SPOCK1: variants seen among roughly 807,000 people sequenced by gnomAD.
SPOCK1 encodes testican-1.
SPOCK1 carries 23 observed loss-of-function variants against 55.3 expected under a neutral mutation model. The observed-to-expected ratio is 0.42, with a 90% CI of 0.30 to 0.59. SPOCK1 has a LOEUF of 0.59. SPOCK1 is among the 20% of genes least tolerant of loss of function. SPOCK1 has a pLI of 0.22. For synonymous variants in SPOCK1, 226 were observed against 221.0 expected (o/e 1.02, Z -0.20); for missense variants, 499 against 552.5 (o/e 0.90, Z 0.97).
chr5:137,431,424 T>C (rs1752740685), intron 2 of SPOCK1, among the ~76,000 whole-genome samples: 1 of 152,230 alleles, frequency 6.6e-6, no homozygotes, highest in Admixed American at 6.5e-5. Context: ...ATACTATAAC[T>C]GCCTTTTTCA....
Position 136,978,791 on chromosome 5 carries a change from G to A in SPOCK1, c.1183C>T (p.Leu395=). 6.2e-7 allele frequency: 1 copy of A among 1,613,978 alleles called. No individual in the cohort carries two copies. The highest frequency in any genetic ancestry group is 2.2e-5 in the East Asian group (1 of 44,866). Residue 395 remains leucine, a synonymous_variant, in exon 11 of 11, where the codon CTG becomes TTG. Transcript: ENST00000394945. ...DFGSGGSVVL[L]DDLEYERELG... is the part of the protein sequence containing the mutation. ...TCCCGTTCATATTCTAGGTCATCCA[G>A]CAGGACCACGGACCCACCACTGCCA...
intron 2 of SPOCK1, among the ~76,000 whole-genome samples, chr5:137,403,850 A>T (rs373235919): frequency 1.3e-5 from 2 of 152,180 alleles, no homozygotes; most frequent in Admixed American, 6.5e-5. Flanking sequence ...CGGGGTGGGT[A>T]CTTTGGCTTT....
At chr5:137,039,070 G>T (rs1751939179) in intron 6 of SPOCK1, among the ~76,000 whole-genome samples, 1 of 152,060 alleles carries the variant, frequency 6.6e-6, no homozygotes, top group Non-Finnish European at 1.5e-5. Flanking sequence ...CTTATTATAA[G>T]CTGGATCCCA....
At chr5:136,980,444 T>C (rs532339434) in intron 9 of SPOCK1, among the ~76,000 whole-genome samples, 333 of 152,354 alleles carry the variant, frequency 2.2e-3, no homozygotes, top group East Asian at 4.6e-3. Flanking sequence ...TCTTGAATTG[T>C]AGCTCTCATA....
At chr5:137,495,944 G>C (rs1414755551) in intron 2 of SPOCK1, among the ~76,000 whole-genome samples, 2 of 152,258 alleles carry the variant, frequency 1.3e-5, no homozygotes, top group Admixed American at 1.3e-4. Flanking sequence ...AACATTTTTA[G>C]ATGTTTTAAT....
intron 2 of SPOCK1, among the ~76,000 whole-genome samples, chr5:137,397,034 G>T (rs1216057523): frequency 1.3e-5 from 2 of 152,222 alleles, no homozygotes; most frequent in African/African-American, 4.8e-5. Flanking sequence ...TGTTGAGCAA[G>T]TTGCCCAAGG....
At chr5:137,440,060 T>A (rs780584651) in intron 2 of SPOCK1, among the ~76,000 whole-genome samples, 37 of 151,702 alleles carry the variant, frequency 2.4e-4, no homozygotes, top group Admixed American at 2.1e-3. Flanking sequence ...GTAAAAAGCC[T>A]GGAGAAAAAA....
intron 3 of SPOCK1, among the ~76,000 whole-genome samples, chr5:137,265,393 T>C (rs1397843384): frequency 1.3e-5 from 2 of 152,188 alleles, no homozygotes; most frequent in Non-Finnish European, 2.9e-5. Flanking sequence ...AAAGAATCAG[T>C]TCACAGTGAC....
chr5:137,193,734 A>C (rs1755236194), intron 3 of SPOCK1, among the ~76,000 whole-genome samples: 1 of 152,198 alleles, frequency 6.6e-6, no homozygotes, highest in Non-Finnish European at 1.5e-5. Context: ...GCAGAGAAAA[A>C]TGAGAGGTCT....
intron 2 of SPOCK1, among the ~76,000 whole-genome samples, chr5:137,419,138 C>A (rs1200508833): frequency 6.6e-6 from 1 of 152,154 alleles, no homozygotes; most frequent in Non-Finnish European, 1.5e-5. Context: ...TCTGACGGCT[C>A]TGTTCTGTTC....
intron 6 of SPOCK1, among the ~76,000 whole-genome samples, chr5:137,064,819 G>A (rs1362229202): frequency 1.3e-5 from 2 of 152,102 alleles, no homozygotes; most frequent in Non-Finnish European, 2.9e-5. Flanking sequence ...ATTTTGTCCA[G>A]GTAAAGCATT....
chr5:137,366,523 A>G (rs1751067289), intron 2 of SPOCK1, among the ~76,000 whole-genome samples: 1 of 152,078 alleles, frequency 6.6e-6, no homozygotes, highest in Admixed American at 6.5e-5. Context: ...GGCCTGTTGG[A>G]CTCCAATATC....
chr5:137,283,291 C>A (rs10479151), intron 2 of SPOCK1, among the ~76,000 whole-genome samples: 22,117 of 152,168 alleles, frequency 0.15, 1,733 homozygotes, highest in Admixed American at 0.2. Context: ...TTCCTCAGCT[C>A]CCAGTTCACT....
At chr5:137,203,966 C>T (rs1345875796) in intron 3 of SPOCK1, among the ~76,000 whole-genome samples, 6 of 152,272 alleles carry the variant, frequency 3.9e-5, no homozygotes, top group South Asian at 2.1e-4. Flanking sequence ...TCTCCCTAAA[C>T]GTGGAATGTT....
At chr5:137,224,590 T>C (rs953372263) in intron 3 of SPOCK1, among the ~76,000 whole-genome samples, 1 of 152,184 alleles carries the variant, frequency 6.6e-6, no homozygotes, top group Non-Finnish European at 1.5e-5. Flanking sequence ...GCATCACCGA[T>C]CAACCTGAAA....
At chr5:137,149,849 G>A (rs1754279849) in intron 3 of SPOCK1, among the ~76,000 whole-genome samples, 1 of 152,182 alleles carries the variant, frequency 6.6e-6, no homozygotes, top group Non-Finnish European at 1.5e-5. Flanking sequence ...GAGAGAGGCA[G>A]CTTTGCCACT....
intron 4 of SPOCK1, among the ~76,000 whole-genome samples, chr5:137,122,240 T>TACACACACACAC (rs772246376): frequency 7.5e-6 from 1 of 132,958 alleles, no homozygotes; most frequent in Non-Finnish European, 1.6e-5. Context: ...AAAGCAGTTA[T>TACACACACACAC]ACACACACAC....
intron 2 of SPOCK1, among the ~76,000 whole-genome samples, chr5:137,416,382 A>G (rs1031726673): frequency 1.3e-5 from 2 of 152,190 alleles, no homozygotes; most frequent in African/African-American, 4.8e-5. Context: ...AACTCTGGAA[A>G]TGGTAACTAC....
intron 3 of SPOCK1, among the ~76,000 whole-genome samples, chr5:137,234,330 G>C (rs984915309): frequency 2.0e-5 from 3 of 152,134 alleles, no homozygotes; most frequent in African/African-American, 7.2e-5. Context: ...CTGCTGGGTG[G>C]TGGGTCAGGA....
Sources: allele counts gnomAD v4.1 joint callset (sites outside exome capture counted in the v4.1 genomes callset), GRCh38; gene constraint gnomAD v4.1.1; transcripts MANE v1.5; gene names NCBI Gene and HGNC (gene_info 2026-07-23, HGNC 2026-07-21).